MAGI2: variants seen among roughly 807,000 people sequenced by gnomAD.
MAGI2 encodes the protein membrane associated guanylate kinase, WW and PDZ domain containing 2.
A neutral mutation model predicts 133.3 loss-of-function variants in MAGI2; 35 were observed. The ratio of observed to expected loss-of-function variants is 0.26; its 90% confidence interval spans 0.20 to 0.35. The LOEUF (loss-of-function observed/expected upper bound fraction) is 0.35. MAGI2 is among the 10% of genes least tolerant of loss of function. The pLI is 1.00. For missense variants in MAGI2, 1,636 were observed against 1,863.4 expected (o/e 0.88, Z 2.25); for synonymous variants, 729 against 710.6 (o/e 1.03, Z -0.41).
At chr7:79,002,586 T>G (rs551935727) in intron 2 of MAGI2, among the ~76,000 whole-genome samples, 1 of 151,936 alleles carries the variant, frequency 6.6e-6, no homozygotes, top group South Asian at 2.1e-4. Flanking sequence ...AGTAGGATAG[T>G]GAAATAATTA....
chr7:78,327,555 T>C (rs73134506), intron 9 of MAGI2, among the ~76,000 whole-genome samples: 4 of 152,308 alleles, frequency 2.6e-5, no homozygotes, highest in Non-Finnish European at 5.9e-5. Context: ...TGTTTTCCCC[T>C]CTTCAGCTTC....
intron 9 of MAGI2, among the ~76,000 whole-genome samples, chr7:78,270,622 G>A (rs1794469879): frequency 1.3e-5 from 2 of 152,196 alleles, no homozygotes; most frequent in Middle Eastern, 3.4e-3. Context: ...TGTATCCTGA[G>A]ACTTTGCTGA....
intron 2 of MAGI2, among the ~76,000 whole-genome samples, chr7:78,861,581 G>T (rs934510128): frequency 6.6e-6 from 1 of 151,998 alleles, no homozygotes; most frequent in African/African-American, 2.4e-5. Flanking sequence ...TAAGTATCTG[G>T]CTTCCAATCC....
Position 79,453,526 on chromosome 7 carries a change from A to G in MAGI2, c.-206T>C, listed in dbSNP as rs2129211236. 2.2e-6 allele frequency: 3 copies of G among 1,379,044 alleles called. No individual in the cohort carries two copies. Among genetic ancestry groups the G allele is most frequent in the South Asian group, 1.8e-5 (1 of 56,788 alleles). 85.4% of individuals were successfully genotyped at this position (1,379,044 alleles called of 1,614,324 possible). A position where few individuals can be genotyped will look rare whatever the true frequency, so the allele number is the denominator to read the frequency against. ...ATGAGAGGGACGGCTGGGCAGAGGT[A>G]GGAGAGCTTGGATGAGGTTGTGCTG... is the stretch of plus-strand genomic sequence containing the variant. On this transcript the variant is annotated 5_prime_UTR_variant, in exon 1 of 22. Transcript: ENST00000354212.
chr7:79,205,918 T>TA (rs1404692994), intron 1 of MAGI2, among the ~76,000 whole-genome samples: 1 of 150,356 alleles, frequency 6.7e-6, no homozygotes, highest in African/African-American at 2.5e-5. Context: ...ACATATCAAT[T>TA]AAAAAAATCA....
chr7:79,120,109 A>G (rs1819757274), intron 1 of MAGI2, among the ~76,000 whole-genome samples: 1 of 152,124 alleles, frequency 6.6e-6, no homozygotes, highest in Non-Finnish European at 1.5e-5. Flanking sequence ...AAATGGATTG[A>G]GCAACACTTT....
intron 2 of MAGI2, among the ~76,000 whole-genome samples, chr7:78,725,519 C>T (rs1264112473): frequency 1.3e-5 from 2 of 152,216 alleles, no homozygotes; most frequent in African/African-American, 2.4e-5. Flanking sequence ...TTAAACTAGG[C>T]CAGGCACGGT....
chr7:78,986,983 G>A (rs1469659007), intron 2 of MAGI2, among the ~76,000 whole-genome samples: 1 of 151,926 alleles, frequency 6.6e-6, no homozygotes, highest in Non-Finnish European at 1.5e-5. Flanking sequence ...AGCCCTTCCA[G>A]GATGGGGATT....
chr7:79,045,507 TTG>T (rs1413550189), intron 1 of MAGI2, among the ~76,000 whole-genome samples: 2 of 152,236 alleles, frequency 1.3e-5, no homozygotes, highest in Non-Finnish European at 2.9e-5. Context: ...TCTATCCAAG[TTG>T]TAGAGATGGC....
rs547602023 is a variant in MAGI2 at position 79,003,845 on chromosome 7, A to G, written c.418+3245T>C. Among the ~76,000 whole-genome samples, 103 of 152,314 alleles carry G rather than the reference A, an allele frequency of 6.8e-4. 1 individual carries two copies. In the South Asian group the frequency reaches 0.021, roughly 31 times the overall value. ...CATGCAAATGGCCAAAAGGTATATG[A>G]AAAAATGTTCAACATCCCTAATCCC... On this transcript the variant is annotated intron_variant, in intron 2 of 21. Transcript: ENST00000354212.
chr7:79,451,512 A>T (rs992333864), intron 1 of MAGI2, among the ~76,000 whole-genome samples: 1 of 152,158 alleles, frequency 6.6e-6, no homozygotes, highest in Non-Finnish European at 1.5e-5. Context: ...AATAGTATGG[A>T]GCTATGTTGA....
intron 9 of MAGI2, among the ~76,000 whole-genome samples, chr7:78,326,940 CTT>C (rs1788649332): frequency 6.6e-6 from 1 of 152,122 alleles, no homozygotes; most frequent in Non-Finnish European, 1.5e-5. Context: ...CTCTCTCTCT[CTT>C]TAACTGGTTG....
At chr7:79,115,031 C>T (rs1819270997) in intron 1 of MAGI2, among the ~76,000 whole-genome samples, 1 of 152,178 alleles carries the variant, frequency 6.6e-6, no homozygotes, top group Admixed American at 6.5e-5. Flanking sequence ...AAACCATCGT[C>T]CTGCTCTCCT....
intron 3 of MAGI2, among the ~76,000 whole-genome samples, chr7:78,612,763 A>G (rs1181733999): frequency 6.6e-6 from 1 of 151,754 alleles, no homozygotes; most frequent in African/African-American, 2.4e-5. Context: ...TCCGCCTCCC[A>G]GGTTCATGCC....
At chr7:78,635,954 A>G (rs1232710077) in intron 2 of MAGI2, among the ~76,000 whole-genome samples, 2 of 152,228 alleles carry the variant, frequency 1.3e-5, no homozygotes, top group Non-Finnish European at 2.9e-5. Context: ...AGCTAAAGTA[A>G]GCAAAGCAAA....
At chr7:79,273,030 T>C (rs1443136168) in intron 1 of MAGI2, among the ~76,000 whole-genome samples, 1 of 152,130 alleles carries the variant, frequency 6.6e-6, no homozygotes, top group East Asian at 1.9e-4. Flanking sequence ...GAGGTTTTTG[T>C]GGTTAAATAC....
At chr7:79,314,375 C>A (rs1228872563) in intron 1 of MAGI2, among the ~76,000 whole-genome samples, 4 of 152,176 alleles carry the variant, frequency 2.6e-5, no homozygotes, top group Non-Finnish European at 4.4e-5. Flanking sequence ...TCCCAAAGTG[C>A]TGAGATTACG....
At chr7:78,653,037 C>A (rs955578658) in intron 2 of MAGI2, among the ~76,000 whole-genome samples, 1 of 151,984 alleles carries the variant, frequency 6.6e-6, no homozygotes, top group Non-Finnish European at 1.5e-5. Context: ...TGAAAAAAAG[C>A]TCATCATCAC....
intron 2 of MAGI2, among the ~76,000 whole-genome samples, chr7:78,767,068 C>T (rs1825104386): frequency 6.6e-6 from 1 of 152,030 alleles, no homozygotes; most frequent in Non-Finnish European, 1.5e-5. Flanking sequence ...CAGCTCACTG[C>T]CACCTCTGCC....
Sources: gnomAD v4.1 joint callset for allele counts (sites outside exome capture counted in the v4.1 genomes callset) on GRCh38, gnomAD v4.1.1 for gene constraint, MANE v1.5 for transcripts, NCBI Gene and HGNC (gene_info 2026-07-23, HGNC 2026-07-21) for gene names.